The following CDKAL1 variants were observed in gnomAD, a reference collection of about 807,000 sequenced individuals.
CDKAL1 encodes the protein threonylcarbamoyladenosine tRNA methylthiotransferase.
Under a neutral mutation model 68.2 loss-of-function variants are expected in CDKAL1, and 32 were observed. The observed-to-expected ratio is 0.47, with a 90% confidence interval of 0.35 to 0.63. The LOEUF (loss-of-function observed/expected upper bound fraction) is 0.63. CDKAL1 is among the 30% of genes least tolerant of loss of function. The probability of loss-of-function intolerance (pLI) is 0.00; values close to 1 mark genes in which losing one functional copy is unlikely to be tolerated. For missense variants in CDKAL1, 606 were observed against 696.7 expected (o/e 0.87, Z 1.47); for synonymous variants, 234 against 244.3 (o/e 0.96, Z 0.39).
intron 12 of CDKAL1, among the ~76,000 whole-genome samples, chr6:21,087,581 T>C (rs1298850562): frequency 6.6e-6 from 1 of 152,128 alleles, no homozygotes; most frequent in Non-Finnish European, 1.5e-5. Context: ...GTTCCTATAG[T>C]CCTCAGCTGA....
chr6:21,182,226 G>T (rs950901979), intron 13 of CDKAL1, among the ~76,000 whole-genome samples: 3 of 152,092 alleles, frequency 2.0e-5, no homozygotes, highest in Admixed American at 6.5e-5. Flanking sequence ...ATAAATTATA[G>T]AATTAAATTT....
intron 9 of CDKAL1, among the ~76,000 whole-genome samples, chr6:20,935,541 G>A (rs1322089134): frequency 6.6e-6 from 1 of 151,500 alleles, no homozygotes; most frequent in Non-Finnish European, 1.5e-5. Flanking sequence ...AGATTCTTGC[G>A]CCTCAAGCCT....
chr6:20,904,425 A>G (rs1269929261), intron 9 of CDKAL1, among the ~76,000 whole-genome samples: 1 of 151,950 alleles, frequency 6.6e-6, no homozygotes. Context: ...TTCTATTTCC[A>G]TTTTGGGAGC....
At chr6:20,746,506 G>T (rs1430384183) in intron 6 of CDKAL1, among the ~76,000 whole-genome samples, 1 of 152,166 alleles carries the variant, frequency 6.6e-6, no homozygotes. Flanking sequence ...CTTAGTGACT[G>T]CTGTCAGCTT....
intron 8 of CDKAL1, among the ~76,000 whole-genome samples, chr6:20,806,128 A>G (rs1399042727): frequency 6.6e-6 from 1 of 152,132 alleles, no homozygotes; most frequent in East Asian, 1.9e-4. Context: ...GGATCCTCAC[A>G]CTTCGCACAT....
intron 5 of CDKAL1, among the ~76,000 whole-genome samples, chr6:20,725,524 C>T (rs1272075056): frequency 6.6e-5 from 10 of 152,200 alleles, no homozygotes; most frequent in Admixed American, 1.3e-4. Flanking sequence ...GTGGCTTATG[C>T]CTGTAATCCC....
intron 10 of CDKAL1, among the ~76,000 whole-genome samples, chr6:20,956,907 T>G (rs1247028874): frequency 1.3e-5 from 2 of 150,950 alleles, no homozygotes. Flanking sequence ...CTTTAGACAG[T>G]GTGGGATGAT....
intron 9 of CDKAL1, among the ~76,000 whole-genome samples, chr6:20,880,710 G>T (rs1760769332): frequency 6.6e-6 from 1 of 151,940 alleles, no homozygotes; most frequent in African/African-American, 2.4e-5. Context: ...TATATAATGT[G>T]GGTCTGAGAA....
chr6:20,764,826 A>G (rs1314702554), intron 7 of CDKAL1, among the ~76,000 whole-genome samples: 1 of 152,142 alleles, frequency 6.6e-6, no homozygotes, highest in Non-Finnish European at 1.5e-5. Context: ...TTGATTTTTA[A>G]TATGTGCTTT....
At chr6:21,017,045 C>A (rs1006401864) in intron 11 of CDKAL1, among the ~76,000 whole-genome samples, 1 of 152,178 alleles carries the variant, frequency 6.6e-6, no homozygotes, top group Non-Finnish European at 1.5e-5. Flanking sequence ...AACAGTTATA[C>A]CATTACCACT....
chr6:20,551,112 G>C (rs550358230), intron 4 of CDKAL1, among the ~76,000 whole-genome samples: 2 of 151,934 alleles, frequency 1.3e-5, no homozygotes, highest in African/African-American at 2.4e-5. Flanking sequence ...TGATCCACTC[G>C]CCTTGGCCTC....
At chr6:20,604,143 C>T (rs1453957513) in intron 4 of CDKAL1, among the ~76,000 whole-genome samples, 1 of 152,096 alleles carries the variant, frequency 6.6e-6, no homozygotes, top group African/African-American at 2.4e-5. Flanking sequence ...GTGAGCTGGA[C>T]AGAACAACGT....
chr6:21,191,760 TAA>T (rs35944981), intron 13 of CDKAL1, among the ~76,000 whole-genome samples: 12,789 of 140,588 alleles, frequency 0.091, 611 homozygotes, highest in African/African-American at 0.14. Context: ...TGGTTTTCAT[TAA>T]AAAAAAAAAA....
intron 9 of CDKAL1, among the ~76,000 whole-genome samples, chr6:20,867,810 A>T (rs1475600606): frequency 1.3e-5 from 2 of 152,154 alleles, no homozygotes; most frequent in African/African-American, 4.8e-5. Flanking sequence ...CCCTATCCCT[A>T]ACCCAAACTA....
intron 5 of CDKAL1, among the ~76,000 whole-genome samples, chr6:20,698,752 G>A (rs1322588085): frequency 6.6e-6 from 1 of 152,092 alleles, no homozygotes; most frequent in Non-Finnish European, 1.5e-5. Flanking sequence ...AGAGTAAGAA[G>A]GTAAAATTTA....
At chr6:20,813,804 C>T (rs1316146901) in intron 8 of CDKAL1, among the ~76,000 whole-genome samples, 1 of 152,102 alleles carries the variant, frequency 6.6e-6, no homozygotes, top group African/African-American at 2.4e-5. Context: ...CTGTATATCT[C>T]CCTTTACACT....
At chr6:20,607,283 A>G (rs1766373627) in intron 4 of CDKAL1, among the ~76,000 whole-genome samples, 1 of 152,242 alleles carries the variant, frequency 6.6e-6, no homozygotes. Context: ...TTCTGTTGAA[A>G]TAACCACAGT....
intron 9 of CDKAL1, among the ~76,000 whole-genome samples, chr6:20,849,838 G>A (rs1229350276): frequency 4.6e-5 from 7 of 151,928 alleles, no homozygotes; most frequent in Non-Finnish European, 7.4e-5. Flanking sequence ...TGCTACGGGC[G>A]GCCTTATAAT....
chr6:20,838,152 T>C (rs1178448470), intron 8 of CDKAL1, among the ~76,000 whole-genome samples: 1 of 152,172 alleles, frequency 6.6e-6, no homozygotes, highest in African/African-American at 2.4e-5. Flanking sequence ...ATTAGGAATA[T>C]ATCTTACATG....
Sources: allele counts gnomAD v4.1 joint callset (sites outside exome capture counted in the v4.1 genomes callset), GRCh38; gene constraint gnomAD v4.1.1; transcripts MANE v1.5; gene names NCBI Gene and HGNC (gene_info 2026-07-23, HGNC 2026-07-21).